ZMYND8: variants seen among roughly 807,000 people sequenced by gnomAD.
ZMYND8 encodes the protein MYND-type zinc finger-containing chromatin reader ZMYND8.
In ZMYND8, 37 loss-of-function variants were observed where a neutral mutation model predicts 140.8. That is an observed-to-expected ratio of 0.26 (90% CI 0.20 to 0.35). The LOEUF is 0.35. ZMYND8 is among the 10% of genes least tolerant of loss of function. The probability of loss-of-function intolerance (pLI) is 1.00; values close to 1 mark genes in which losing one functional copy is unlikely to be tolerated. For missense variants in ZMYND8, 1,068 were observed against 1,570.0 expected (o/e 0.68, Z 5.40); for synonymous variants, 592 against 597.1 (o/e 0.99, Z 0.12).
intron 17 of ZMYND8, among the ~76,000 whole-genome samples, chr20:47,229,263 C>A (rs1388108725): frequency 6.6e-6 from 1 of 151,912 alleles, no homozygotes; most frequent in Non-Finnish European, 1.5e-5. Context: ...CCACAACTTC[C>A]CAAAGCGCTG....
Position 47,239,051 on chromosome 20 carries a change from G to T in ZMYND8, c.2372C>A (p.Ser791Tyr), listed in dbSNP as rs773885950. 5.7e-6 allele frequency: 9 copies of T among 1,576,782 alleles called. No individual in the cohort carries two copies. The South Asian group carries it at 7.0e-5, about 12-fold the overall frequency. Residue 791 changes from serine to tyrosine, a missense_variant, in exon 15 of 23, where the codon TCC becomes TAC. Physicochemically the swap from Ser to Tyr is moderately radical, Grantham distance 144. This residue lies in a region of ZMYND8 where 383 missense variants were observed against 431.2 expected (regional missense o/e 0.89). Coordinates refer to ENST00000471951, the MANE Select transcript of ZMYND8 (RefSeq NM_001281775.3). Reference protein sequence around the residue: ...PVLTRSSAQTSAAGATATTST... With the variant: ...PVLTRSSAQTYAAGATATTST... ...GGTGGTGGCTGTGGCGCCAGCCGCG[G>T]AAGTTTGGGCGGAAGAGCGGGTGAG...
At position 47,291,667 on chromosome 20, in the gene ZMYND8, CA is replaced by C. The variant is rs1468641649; in HGVS notation, c.660+128del. On this transcript the variant is annotated intron_variant, in intron 6 of 22. Coordinates refer to ENST00000471951, the MANE Select transcript of ZMYND8 (RefSeq NM_001281775.3). ...GAGTTCTTCTATCCAAATAAAGGAG[CA>C]ATGAAAATATAGAGAAACAATTTAA... The C allele has an allele frequency of 1.1e-5, 6 of 535,868 alleles. No individual in the cohort carries two copies. The East Asian group carries it at 2.1e-4, about 19-fold the overall frequency. The allele number at this position is 535,868 out of a possible 1,614,324, so 33.2% of individuals were successfully genotyped here.
intron 8 of ZMYND8, among the ~76,000 whole-genome samples, chr20:47,284,695 A>G (rs2076816900): frequency 6.6e-6 from 1 of 152,200 alleles, no homozygotes. Context: ...AGCTCCACTG[A>G]CGACAATCCG....
chr20:47,240,189 GAGAA>G (rs2039777949), intron 14 of ZMYND8, among the ~76,000 whole-genome samples: 1 of 152,042 alleles, frequency 6.6e-6, no homozygotes, highest in Admixed American at 6.5e-5. Context: ...TCCGGTCTGT[GAGAA>G]AGAGTGAGTG....
intron 2 of ZMYND8, among the ~76,000 whole-genome samples, chr20:47,318,088 T>C (rs930309125): frequency 3.9e-5 from 6 of 152,070 alleles, no homozygotes; most frequent in Non-Finnish European, 8.8e-5. Context: ...AAAACACAGC[T>C]TGCTTTCTGG....
chr20:47,280,469 C>T (rs530857544), intron 10 of ZMYND8, among the ~76,000 whole-genome samples: 50 of 152,314 alleles, frequency 3.3e-4, no homozygotes, highest in Non-Finnish European at 5.1e-4. Flanking sequence ...ACTCACACGC[C>T]GTCCTTCATG....
intron 1 of ZMYND8, chr20:47,351,797 A>G (rs2082805239): frequency 1.0e-6 from 1 of 985,340 alleles, no homozygotes; most frequent in Non-Finnish European, 1.2e-6. Context: ...TCCTGTGTTG[A>G]AGCTAAAATG....
chr20:47,283,871 C>CCCACTT (rs1391817068), intron 8 of ZMYND8, among the ~76,000 whole-genome samples: 1 of 152,122 alleles, frequency 6.6e-6, no homozygotes, highest in African/African-American at 2.4e-5. Flanking sequence ...CCCCACGTCA[C>CCCACTT]CCACTTCCAC....
At chr20:47,287,333 C>G in intron 7 of ZMYND8, 49 bp from the exon 8 acceptor site, 1 of 1,502,816 alleles carries the variant, frequency 6.7e-7, no homozygotes, top group Non-Finnish European at 9.3e-7. Context: ...TACCGCAACA[C>G]CGGGCCTGGG....
chr20:47,214,616 CCT>C (rs1176765010), intron 21 of ZMYND8, among the ~76,000 whole-genome samples: 1 of 152,150 alleles, frequency 6.6e-6, no homozygotes. Flanking sequence ...GCCTCAGGCC[CCT>C]GAGTAGCTGG....
intron 4 of ZMYND8, among the ~76,000 whole-genome samples, chr20:47,296,649 C>T (rs1322710220): frequency 6.6e-6 from 1 of 152,148 alleles, no homozygotes; most frequent in Non-Finnish European, 1.5e-5. Flanking sequence ...GGAACTAGTG[C>T]TTGCATTAAC....
At chr20:47,260,462 C>T (rs1347673458) in intron 12 of ZMYND8, among the ~76,000 whole-genome samples, 1 of 151,048 alleles carries the variant, frequency 6.6e-6, no homozygotes, top group African/African-American at 2.4e-5. Flanking sequence ...AATCCTACAA[C>T]ACACCCAGTT....
At chr20:47,277,067 C>G (rs1039107619) in intron 10 of ZMYND8, among the ~76,000 whole-genome samples, 2 of 152,194 alleles carry the variant, frequency 1.3e-5, no homozygotes, top group African/African-American at 4.8e-5. Context: ...AAACAATCCT[C>G]TTTGGTTTTC....
chr20:47,355,577 CAA>C, intron 1 of ZMYND8: 1 of 771,088 alleles, frequency 1.3e-6, no homozygotes, highest in Non-Finnish European at 1.6e-6. Context: ...AAAACACACA[CAA>C]CAACAACAAC....
At chr20:47,224,787 G>A (rs1053425070) in intron 18 of ZMYND8, among the ~76,000 whole-genome samples, 1 of 152,192 alleles carries the variant, frequency 6.6e-6, no homozygotes, top group Non-Finnish European at 1.5e-5. Context: ...GCCCAGCATG[G>A]ACATAACTGC....
chr20:47,260,786 T>A (rs2075098510), intron 12 of ZMYND8, among the ~76,000 whole-genome samples: 1 of 152,210 alleles, frequency 6.6e-6, no homozygotes, highest in Non-Finnish European at 1.5e-5. Context: ...ATTTTCTCTA[T>A]CTTTCTAAAA....
At chr20:47,329,402 A>G (rs150669253) in intron 2 of ZMYND8, among the ~76,000 whole-genome samples, 170 of 152,118 alleles carry the variant, frequency 1.1e-3, no homozygotes, top group African/African-American at 3.7e-3. Flanking sequence ...TTTATTTTGT[A>G]AATCTAATTT....
chr20:47,242,127 T>C (rs1279238933), intron 14 of ZMYND8, among the ~76,000 whole-genome samples: 10 of 152,208 alleles, frequency 6.6e-5, no homozygotes, highest in Admixed American at 6.5e-4. Flanking sequence ...TATGTCTGTC[T>C]TTTTAAGATC....
At chr20:47,243,241 T>C (rs1397786997) in intron 14 of ZMYND8, among the ~76,000 whole-genome samples, 1 of 152,254 alleles carries the variant, frequency 6.6e-6, no homozygotes, top group African/African-American at 2.4e-5. Flanking sequence ...TACTAAACTC[T>C]TAAGTGAAAA....
Sources: allele counts gnomAD v4.1 joint callset (sites outside exome capture counted in the v4.1 genomes callset), GRCh38; gene constraint gnomAD v4.1.1; regional missense constraint gnomAD v4.1.1; transcripts MANE v1.5; gene names NCBI Gene and HGNC (gene_info 2026-07-23, HGNC 2026-07-21).